The following TENM2 variants were observed in gnomAD, a reference collection of about 807,000 sequenced individuals.
The protein encoded by TENM2 is teneurin transmembrane protein 2.
TENM2 carries 52 observed loss-of-function variants against 245.2 expected under a neutral mutation model. The ratio of observed to expected loss-of-function variants is 0.21; its 90% CI spans 0.17 to 0.27. TENM2 has a LOEUF of 0.27. TENM2 is among the 10% of genes least tolerant of loss of function. The pLI is 1.00. For synonymous variants in TENM2, 1,363 were observed against 1,438.9 expected, an observed-to-expected ratio of 0.95 and a Z score of 1.19; for missense variants, 3,046 against 3,666.8, an observed-to-expected ratio of 0.83 and a Z score of 4.37.
chr5:167,960,144 G>T (rs577865586), intron 4 of TENM2, among the ~76,000 whole-genome samples: 1 of 152,202 alleles, frequency 6.6e-6, no homozygotes, highest in Non-Finnish European at 1.5e-5. Flanking sequence ...ATGCTGGTAG[G>T]TGTCTCCCAG....
At chr5:167,312,141 G>A (rs62388770) in intron 1 of TENM2, among the ~76,000 whole-genome samples, 31 of 152,034 alleles carry the variant, frequency 2.0e-4, no homozygotes, top group Non-Finnish European at 3.7e-4. Flanking sequence ...ATAAATATAC[G>A]TATGTTAGAT....
chr5:168,071,480 A>G (rs35102735), intron 7 of TENM2, among the ~76,000 whole-genome samples: 49,600 of 152,064 alleles, frequency 0.33, 8,630 homozygotes, highest in Non-Finnish European at 0.36. Context: ...CATCATTTTT[A>G]TAAACACAGG....
chr5:167,375,258 A>G lies in TENM2; in HGVS notation c.287A>G (p.Tyr96Cys), dbSNP rs747101270. 7 of 1,551,594 alleles carry G rather than the reference A, an allele frequency of 4.5e-6. No homozygotes were observed. In the African/African-American group the frequency reaches 5.5e-5, roughly 12 times the overall value. Residue 96 changes from tyrosine (Y) to cysteine (C), a missense_variant, in exon 2 of 29, where the codon TAC becomes TGC. Coordinates refer to ENST00000518659, the Ensembl canonical transcript of TENM2. ...GAGCCCTCCCCACACCGAAGCGGCT[A>G]CTGCTCCGACATGGGGATCCTTCAC...
Position 168,231,315 on chromosome 5 carries a change from T to C in TENM2, c.5520+3185T>C, listed in dbSNP as rs377468730. On this transcript the variant is annotated intron_variant, in intron 25 of 28. Coordinates refer to ENST00000518659, the Ensembl canonical transcript of TENM2. Reference sequence around the variant, plus strand: ...GAAGGGCTTCACAGAGGAGCTGGAATCATTTCTGTAGAGTAGTAAGAATCA... The same window carrying C: ...GAAGGGCTTCACAGAGGAGCTGGAACCATTTCTGTAGAGTAGTAAGAATCA... Among the ~76,000 whole-genome samples the C allele has an allele frequency of 7.1e-4, 108 of 152,304 alleles. 1 individual carries two copies. Among genetic ancestry groups the C allele is most frequent in the African/African-American group, 2.3e-3 (95 of 41,560 alleles).
At chr5:168,186,795 A>G (rs908657432) in intron 13 of TENM2, 1 of 152,208 alleles carries the variant, frequency 6.6e-6, no homozygotes, top group African/African-American at 2.4e-5. Flanking sequence ...GGCAATTCAG[A>G]ACAGTTTGAT....
At chr5:167,409,156 A>G (rs971296843) in intron 2 of TENM2, among the ~76,000 whole-genome samples, 1 of 151,924 alleles carries the variant, frequency 6.6e-6, no homozygotes, top group African/African-American at 2.4e-5. Flanking sequence ...AAACTGAGCA[A>G]TGTCACTTGA....
chr5:167,609,517 A>AAAAAAAAAATTTT (rs1777319317), intron 2 of TENM2, among the ~76,000 whole-genome samples: 1 of 114,434 alleles, frequency 8.7e-6, no homozygotes, highest in African/African-American at 2.9e-5. Context: ...AAAAAACAAA[A>AAAAAAAAAATTTT]CCTTACCTAG....
intron 2 of TENM2, among the ~76,000 whole-genome samples, chr5:167,740,699 C>A (rs1386998161): frequency 6.6e-6 from 1 of 152,140 alleles, no homozygotes; most frequent in Non-Finnish European, 1.5e-5. Flanking sequence ...GCCTAGGGAC[C>A]CGTGAGAGGG....
At chr5:167,248,142 G>A in the TENM2 span, among the ~76,000 whole-genome samples, 1 of 152,098 alleles carries the variant, frequency 6.6e-6, no homozygotes, top group Non-Finnish European at 1.5e-5. Context: ...AGCACCAGTG[G>A]CTTATTTTCC....
At chr5:168,203,549 G>C in intron 17 of TENM2, 140 bp from the exon 20 acceptor site, 1 of 758,172 alleles carries the variant, frequency 1.3e-6, no homozygotes. Flanking sequence ...AAAGCAATCA[G>C]CCTGCCTCTT....
chr5:167,191,219 CAT>C, the TENM2 span, among the ~76,000 whole-genome samples: 3 of 152,058 alleles, frequency 2.0e-5, no homozygotes, highest in Non-Finnish European at 4.4e-5. Context: ...TACACACACA[CAT>C]ACATATATGT....
At chr5:167,177,547 G>A in the TENM2 span, among the ~76,000 whole-genome samples, 2 of 152,142 alleles carry the variant, frequency 1.3e-5, no homozygotes, top group Admixed American at 1.3e-4. Context: ...TCTTAGATCA[G>A]GTATTAGAAG....
chr5:167,046,515 G>T, the TENM2 span, among the ~76,000 whole-genome samples: 1 of 152,262 alleles, frequency 6.6e-6, no homozygotes, highest in South Asian at 2.1e-4. Flanking sequence ...TAAACACAGT[G>T]TGAATCATTT....
upstream of TENM2, among the ~76,000 whole-genome samples, chr5:167,283,622 A>G (rs74494427): frequency 8.5e-5 from 13 of 152,334 alleles, no homozygotes; most frequent in East Asian, 1.9e-3. Flanking sequence ...ATTTCCTGAC[A>G]TATTGAGGAG....
At chr5:168,140,923 A>G (rs1435009707) in intron 12 of TENM2, among the ~76,000 whole-genome samples, 2 of 152,268 alleles carry the variant, frequency 1.3e-5, no homozygotes, top group East Asian at 1.9e-4. Context: ...GGCCAGGGAC[A>G]AGAATCTTCT....
intron 2 of TENM2, among the ~76,000 whole-genome samples, chr5:167,504,301 T>C (rs1769401464): frequency 6.6e-6 from 1 of 152,208 alleles, no homozygotes; most frequent in Non-Finnish European, 1.5e-5. Context: ...TTAAAGGTTG[T>C]TAAATTAATC....
At chr5:167,532,678 T>C (rs1327486981) in intron 2 of TENM2, among the ~76,000 whole-genome samples, 1 of 151,780 alleles carries the variant, frequency 6.6e-6, no homozygotes, top group Non-Finnish European at 1.5e-5. Context: ...AGCCAAACCG[T>C]ATCTCCTATA....
intron 2 of TENM2, among the ~76,000 whole-genome samples, chr5:167,870,814 G>T (rs1772769665): frequency 6.6e-6 from 1 of 150,994 alleles, no homozygotes; most frequent in Admixed American, 6.6e-5. Flanking sequence ...ATGTCTCTTT[G>T]CTTCATCAAA....
intron 3 of TENM2, chr5:167,934,849 A>G: frequency 2.0e-6 from 2 of 985,562 alleles, no homozygotes; most frequent in Non-Finnish European, 2.4e-6. Context: ...GACCAGTGCA[A>G]CGGAGGAGGC....
Sources: allele counts gnomAD v4.1 joint callset (sites outside exome capture counted in the v4.1 genomes callset), GRCh38; gene constraint gnomAD v4.1.1; transcripts MANE v1.5; gene names NCBI Gene and HGNC (gene_info 2026-07-23, HGNC 2026-07-21).